The following KIFC3 variants were observed in gnomAD, a reference collection of about 807,000 sequenced individuals.
KIFC3 encodes kinesin-like protein KIFC3.
In KIFC3, 60 loss-of-function variants were observed where a neutral mutation model predicts 101.8. The ratio of observed to expected loss-of-function variants is 0.59; its 90% CI spans 0.48 to 0.73. The LOEUF (loss-of-function observed/expected upper bound fraction) is 0.73. Among genes scored for constraint, KIFC3 ranks in the 30% least tolerant of loss-of-function variants. The probability of loss-of-function intolerance (pLI) is 0.00; values close to 1 mark genes in which losing one functional copy is unlikely to be tolerated. For missense variants in KIFC3, 966 were observed against 1,137.1 expected (o/e 0.85, Z 2.16); for synonymous variants, 476 against 482.7 (o/e 0.99, Z 0.18).
chr16:57,784,156 G>C (rs1395856716), intron 3 of KIFC3, among the ~76,000 whole-genome samples: 2 of 152,400 alleles, frequency 1.3e-5, no homozygotes, highest in African/African-American at 2.4e-5. Flanking sequence ...GGAGCCTGCT[G>C]TCCACTGGGG....
intron 1 of KIFC3, among the ~76,000 whole-genome samples, chr16:57,860,385 G>A (rs1461521020): frequency 1.3e-5 from 2 of 151,946 alleles, no homozygotes; most frequent in African/African-American, 2.4e-5. Flanking sequence ...CTTGGGAAGA[G>A]GAGGTTGCAG....
intron 1 of KIFC3, among the ~76,000 whole-genome samples, chr16:57,838,059 C>A (rs563262111): frequency 6.6e-6 from 1 of 152,274 alleles, no homozygotes; most frequent in Admixed American, 6.5e-5. Context: ...GAGGAAGAAG[C>A]ATAGCACAGC....
At chr16:57,806,468 G>A (rs1047441876), upstream of KIFC3, among the ~76,000 whole-genome samples, 4 of 152,078 alleles carry the variant, frequency 2.6e-5, no homozygotes, top group South Asian at 2.1e-4. Context: ...TCATGATGGC[G>A]TTCCTGTGTA....
At chr16:57,795,215 A>AAAGACTGCTAGCCAT in intron 2 of KIFC3, 74 bp from the exon 3 acceptor site, 2 of 1,540,950 alleles carry the variant, frequency 1.3e-6, no homozygotes. Flanking sequence ...ACCACTGGCC[A>AAAGACTGCTAGCCAT]GGGCCGCAGC....
At chr16:57,789,709 G>A (rs1488184843) in intron 3 of KIFC3, among the ~76,000 whole-genome samples, 1 of 151,352 alleles carries the variant, frequency 6.6e-6, no homozygotes, top group African/African-American at 2.5e-5. Flanking sequence ...TATAAACACT[G>A]ACTGTGTTTC....
chr16:57,842,486 C>T (rs1429143520), intron 1 of KIFC3, among the ~76,000 whole-genome samples: 1 of 152,186 alleles, frequency 6.6e-6, no homozygotes, highest in Non-Finnish European at 1.5e-5. Context: ...ACATCCAATG[C>T]CAGCCTCAGG....
At chr16:57,810,481 G>A (rs55953246) in intron 1 of KIFC3, among the ~76,000 whole-genome samples, 2,567 of 152,168 alleles carry the variant, frequency 0.017, 75 homozygotes, top group African/African-American at 0.059. Context: ...CTGAGTCATC[G>A]CCACCAGTGT....
chr16:57,814,855 C>G (rs1398532761), intron 1 of KIFC3, among the ~76,000 whole-genome samples: 4 of 152,168 alleles, frequency 2.6e-5, no homozygotes, highest in African/African-American at 9.7e-5. Flanking sequence ...CTCCTGAGCT[C>G]AAGCAATCCA....
chr16:57,764,309 T>C, intron 11 of KIFC3, 62 bp from the exon 12 acceptor site: 2 of 1,038,994 alleles, frequency 1.9e-6, no homozygotes, highest in South Asian at 1.4e-5. Context: ...GACCACCAGC[T>C]ACAAGTCCAG....
At chr16:57,789,957 G>A (rs1159161977) in intron 3 of KIFC3, among the ~76,000 whole-genome samples, 2 of 151,568 alleles carry the variant, frequency 1.3e-5, no homozygotes, top group African/African-American at 2.4e-5. Context: ...GGCTGGTCTC[G>A]AACTCCTGAC....
chr16:57,792,222 G>A (rs1223262623), intron 3 of KIFC3, among the ~76,000 whole-genome samples: 1 of 152,136 alleles, frequency 6.6e-6, no homozygotes, highest in African/African-American at 2.4e-5. Flanking sequence ...TTTCTTGGGG[G>A]GTGGGCCTTG....
chr16:57,761,578 C>T, intron 13 of KIFC3, 42 bp from the exon 14 acceptor site: 3 of 1,600,402 alleles, frequency 1.9e-6, no homozygotes, highest in Non-Finnish European at 2.6e-6. Context: ...CTCCCATTTC[C>T]AGCTGCTGTT....
chr16:57,788,633 G>A, intron 3 of KIFC3: 5 of 1,289,626 alleles, frequency 3.9e-6, no homozygotes, highest in Non-Finnish European at 5.1e-6. Flanking sequence ...CCCGCCTGGG[G>A]GCCGGCGCCT....
chr16:57,803,384 A>C (rs2054851347), upstream of KIFC3: 4 of 570,386 alleles, frequency 7.0e-6, no homozygotes, highest in Non-Finnish European at 1.3e-5. Flanking sequence ...CTCACTCTCC[A>C]CACCCCCGGG....
intron 1 of KIFC3, among the ~76,000 whole-genome samples, chr16:57,842,106 A>G (rs1379107810): frequency 2.0e-5 from 3 of 152,036 alleles, no homozygotes; most frequent in Non-Finnish European, 4.4e-5. Context: ...AGGCTGAGTC[A>G]GGAGAATTGC....
Position 57,759,843 on chromosome 16 carries a change from G to C in KIFC3, c.2368-7C>G. ...TCTGACAAGCCGGCTCCCACTGTGAGCAGGGAAGGGCGGATGGGCGGGGGC... is the reference window on the plus strand; with the variant it reads ...TCTGACAAGCCGGCTCCCACTGTGACCAGGGAAGGGCGGATGGGCGGGGGC... On this transcript the variant is annotated splice_region_variant and splice_polypyrimidine_tract_variant and intron_variant, in intron 17 of 19. Transcript: ENST00000445690. The C allele has an allele frequency of 1.2e-6, 2 of 1,601,024 alleles. No individual in the cohort carries two copies. Among genetic ancestry groups the C allele is most frequent in the South Asian group, 2.2e-5 (2 of 89,448 alleles).
intron 3 of KIFC3, among the ~76,000 whole-genome samples, chr16:57,778,828 G>A (rs1347770491): frequency 6.6e-6 from 1 of 152,182 alleles, no homozygotes; most frequent in Non-Finnish European, 1.5e-5. Context: ...GAGGCCAGGA[G>A]TTCAGAGGCT....
rs1220657765 is a variant in KIFC3, at chr16:57,758,667, C to T, written c.*267G>A. ...CCAGTTCGCTGATGGCCCAGGCCTG[C>T]CAGGAAGAGCAGCCACCCCCGCCTT... On this transcript the variant is annotated 3_prime_UTR_variant, in exon 20 of 20. Transcript: ENST00000445690. 5 of 708,244 alleles carry T rather than the reference C, an allele frequency of 7.1e-6. No individual in the cohort carries two copies. The highest frequency in any genetic ancestry group is 1.3e-5 in the Non-Finnish European group (5 of 391,210). The allele number at this position is 708,244 out of a possible 1,614,324, so 43.9% of individuals were successfully genotyped here. A position where few individuals can be genotyped will look rare whatever the true frequency, so the allele number is the denominator to read the frequency against.
intron 3 of KIFC3, among the ~76,000 whole-genome samples, chr16:57,791,871 CA>C (rs138295868): frequency 1.5e-4 from 23 of 152,160 alleles, no homozygotes; most frequent in Non-Finnish European, 2.2e-4. Flanking sequence ...CAGATTTGAA[CA>C]GATAAAAGAA....
Sources: allele counts gnomAD v4.1 joint callset (sites outside exome capture counted in the v4.1 genomes callset), GRCh38; gene constraint gnomAD v4.1.1; transcripts MANE v1.5; gene names NCBI Gene and HGNC (gene_info 2026-07-23, HGNC 2026-07-21).